Variants in IPO5 observed in about 807,000 individuals in gnomAD.
IPO5 encodes the protein importin 5.
In IPO5, 18 loss-of-function variants were observed where a neutral mutation model predicts 143.3. The ratio of observed to expected loss-of-function variants is 0.13; its 90% CI spans 0.09 to 0.19. The LOEUF (loss-of-function observed/expected upper bound fraction) is 0.19. IPO5 is among the 10% of genes least tolerant of loss of function. The probability of loss-of-function intolerance (pLI) is 1.00; values close to 1 mark genes in which losing one functional copy is unlikely to be tolerated. For synonymous variants in IPO5, 477 were observed against 465.7 expected, an observed-to-expected ratio of 1.02 and a Z score of -0.31; for missense variants, 1,013 against 1,336.9, an observed-to-expected ratio of 0.76 and a Z score of 3.78.
intron 3 of IPO5, among the ~76,000 whole-genome samples, chr13:97,976,244 G>C (rs1236281264): frequency 2.7e-5 from 4 of 150,848 alleles, no homozygotes; most frequent in African/African-American, 4.9e-5. Context: ...TCCTCCCGCT[G>C]TCCCCGCGAC....
chr13:98,015,840 A>G, intron 24 of IPO5, 59 bp downstream of exon 24: 1 of 1,078,108 alleles, frequency 9.3e-7, no homozygotes, highest in Non-Finnish European at 1.4e-6. Context: ...AGACTTGTAA[A>G]TGCCTCAATT....
At chr13:98,000,250 G>A (rs967695876) in intron 12 of IPO5, among the ~76,000 whole-genome samples, 13 of 151,616 alleles carry the variant, frequency 8.6e-5, no homozygotes, top group Non-Finnish European at 1.5e-4. Context: ...GTGCCACTGC[G>A]CTCCAGCCTG....
intron 18 of IPO5, 48 bp downstream of exon 18, chr13:98,008,190 C>A: frequency 9.2e-7 from 1 of 1,085,178 alleles, no homozygotes; most frequent in Non-Finnish European, 1.4e-6. Flanking sequence ...GAGTTGTGGA[C>A]AGCACATGGT....
rs534376509 is a variant in IPO5, at chr13:98,012,643, T to G, written c.2152+301T>G. Among the ~76,000 whole-genome samples the G allele has an allele frequency of 2.6e-5, 4 of 152,192 alleles. No individual in the cohort carries two copies. In the South Asian group the frequency reaches 8.3e-4, roughly 32 times the overall value. The stretch of plus-strand genomic sequence containing the variant: ...TAGTTGCTACTTTCCCCAAATATCT[T>G]TTGGTAAACGTTAAGAAAATAAGAC... On this transcript the variant is annotated intron_variant, in intron 21 of 28. Transcript: ENST00000651721.
intron 11 of IPO5, among the ~76,000 whole-genome samples, chr13:97,994,999 G>A (rs571623619): frequency 1.3e-5 from 2 of 151,838 alleles, no homozygotes; most frequent in South Asian, 2.1e-4. Context: ...GGTGGCACAC[G>A]CCTGTGGTTC....
chr13:97,965,979 T>C (rs908849578), intron 2 of IPO5, among the ~76,000 whole-genome samples: 4 of 151,648 alleles, frequency 2.6e-5, no homozygotes, highest in African/African-American at 7.3e-5. Flanking sequence ...CCATCTCTAC[T>C]AAAAATACAA....
intron 2 of IPO5, among the ~76,000 whole-genome samples, chr13:97,966,133 C>CAAAAAA (rs34256210): frequency 3.4e-5 from 3 of 89,280 alleles, no homozygotes; most frequent in Non-Finnish European, 6.4e-5. Context: ...GGCCCCCTCT[C>CAAAAAA]AAAAAAAAAA....
At chr13:98,015,161 C>T (rs1890033744) in intron 22 of IPO5, among the ~76,000 whole-genome samples, 1 of 151,788 alleles carries the variant, frequency 6.6e-6, no homozygotes, top group Non-Finnish European at 1.5e-5. Flanking sequence ...ATTTCTTCTA[C>T]CTCTAATGCC....
intron 26 of IPO5, among the ~76,000 whole-genome samples, chr13:98,019,065 G>C (rs948992239): frequency 2.0e-5 from 3 of 151,790 alleles, no homozygotes; most frequent in Non-Finnish European, 4.4e-5. Flanking sequence ...GAGCAATTCT[G>C]CTTCAGCCTC....
chr13:98,018,431 T>C (rs957916552), intron 25 of IPO5, 54 bp from the exon 26 acceptor site: 1 of 1,271,832 alleles, frequency 7.9e-7, no homozygotes, highest in African/African-American at 1.5e-5. Context: ...AATATTTCTT[T>C]ACATTCTTTG....
At position 97,976,638 on chromosome 13, in the gene IPO5, C is replaced by T. The variant is rs1886356125; in HGVS notation, c.-4-55C>T. The T allele has an allele frequency of 1.2e-5, 10 of 844,464 alleles. No individual in the cohort carries two copies. In the South Asian group the frequency reaches 1.9e-4, roughly 16 times the overall value. 52.3% of individuals were successfully genotyped at this position (844,464 alleles called of 1,614,324 possible). A position where few individuals can be genotyped will look rare whatever the true frequency, so the allele number is the denominator to read the frequency against. On this transcript the variant is annotated intron_variant, in intron 3 of 28. Transcript: ENST00000651721. ...GCCCGCCCCCGCCCCTCCCGCGGCC[C>T]GCGAGCGCGCCTCACGGCTCCTGTC... is the stretch of plus-strand genomic sequence containing the variant.
At position 98,014,190 on chromosome 13, in the gene IPO5, A is replaced by G; in HGVS notation, c.2301A>G (p.Ser767=). The change falls in exon 22 of 29, where the codon TCA becomes TCG. Residue 767 remains serine (S), a synonymous_variant. Transcript: ENST00000651721. ...IGTEPDSDVL[S]EIMHSFAKCI... ...CAGAACCAGATTCAGACGTCCTCTC[A>G]GAAATAATGCATTCTTTTGCAAAGG... The G allele has an allele frequency of 6.2e-7, 1 of 1,611,384 alleles. No individual in the cohort carries two copies. The highest frequency in any genetic ancestry group is 8.5e-7 in the Non-Finnish European group (1 of 1,178,450).
chr13:98,007,049 T>C (rs377272419), intron 17 of IPO5, among the ~76,000 whole-genome samples: 239 of 152,012 alleles, frequency 1.6e-3, no homozygotes, highest in South Asian at 5.0e-3. Context: ...TATTTTTTTT[T>C]TTTAGTAGAG....
chr13:97,990,489 T>A lies in IPO5; in HGVS notation c.621T>A (p.Asn207Lys). Residue 207 changes from asparagine (N) to lysine (K), a missense_variant, in exon 9 of 29, where the codon AAT becomes AAA. Around this residue, in one of 2 missense-constraint regions of IPO5, gnomAD observed 328 missense variants for 342.0 expected, o/e 0.96. Transcript: ENST00000651721. ...CATTTATACTTGCAAATGAGCATAA[T>A]GTTGCTCTGTTCAAACATTTTGCAG... is the stretch of plus-strand genomic sequence containing the variant. ...TAAFILANEHNVALFKHFADL... is the reference protein window; with the variant it reads ...TAAFILANEHKVALFKHFADL... The A allele has an allele frequency of 6.2e-7, 1 of 1,607,638 alleles. No individual in the cohort carries two copies. Among genetic ancestry groups the A allele is most frequent in the Non-Finnish European group, 8.5e-7 (1 of 1,178,600 alleles).
rs1890295810 is a variant in IPO5 at position 98,018,944 on chromosome 13, G to A, written c.2836+240G>A. 2.0e-5 allele frequency among the ~76,000 whole-genome samples: 3 copies of A among 151,438 alleles called. No individual in the cohort carries two copies. The South Asian group carries it at 6.3e-4, about 32-fold the overall frequency. On this transcript the variant is annotated intron_variant, in intron 26 of 28. Transcript: ENST00000651721. ...AGGGTGCATTTCTCTTTGCGTTTTG[G>A]CAATATACAACAGCCTTAGAATAGG...
At chr13:97,966,699 C>A (rs560258720) in intron 2 of IPO5, among the ~76,000 whole-genome samples, 1 of 152,166 alleles carries the variant, frequency 6.6e-6, no homozygotes, top group East Asian at 1.9e-4. Context: ...TGGTAAAATT[C>A]ACCAGTAAAG....
intron 4 of IPO5, chr13:97,980,018 CGGA>C (rs1489786726): frequency 2.4e-4 from 110 of 451,762 alleles, no homozygotes; most frequent in Non-Finnish European, 6.7e-5. Flanking sequence ...AGGGAAGAGG[CGGA>C]GGAGAAGTCT....
chr13:97,979,992 TTTC>T (rs756711185), intron 4 of IPO5: 7 of 455,634 alleles, frequency 1.5e-5, no homozygotes, highest in South Asian at 7.8e-5. Flanking sequence ...CATATGAGCA[TTTC>T]TTCTTCGTGG....
intron 4 of IPO5, among the ~76,000 whole-genome samples, chr13:97,980,350 C>T (rs1430283197): frequency 3.3e-5 from 5 of 152,170 alleles, no homozygotes; most frequent in African/African-American, 1.2e-4. Context: ...ATCTGTCACT[C>T]GTACTAAACT....
Sources: allele counts gnomAD v4.1 joint callset (sites outside exome capture counted in the v4.1 genomes callset), GRCh38; gene constraint gnomAD v4.1.1; regional missense constraint gnomAD v4.1.1; transcripts MANE v1.5; gene names NCBI Gene and HGNC (gene_info 2026-07-23, HGNC 2026-07-21).